The following LDB2 variants were observed in gnomAD, a reference collection of about 807,000 sequenced individuals.
LDB2 encodes the protein LIM domain-binding protein 2.
In LDB2, 12 loss-of-function variants were observed where a neutral mutation model predicts 44.3. The observed-to-expected ratio is 0.27, with a 90% CI of 0.17 to 0.44. LDB2 has a LOEUF of 0.44. LDB2 is among the 20% of genes least tolerant of loss of function. LDB2 has a pLI of 1.00. For missense variants in LDB2, 344 were observed against 473.5 expected (o/e 0.73, Z 2.54); for synonymous variants, 164 against 174.8 (o/e 0.94, Z 0.49).
chr4:16,660,771 T>C (rs1741351558), intron 2 of LDB2, among the ~76,000 whole-genome samples: 1 of 152,166 alleles, frequency 6.6e-6, no homozygotes, highest in Non-Finnish European at 1.5e-5. Flanking sequence ...GTCTCTTTCA[T>C]AGTCAGTGAC....
intron 2 of LDB2, among the ~76,000 whole-genome samples, chr4:16,655,505 A>G (rs568924360): frequency 3.5e-4 from 53 of 152,322 alleles, no homozygotes; most frequent in Non-Finnish European, 6.8e-4. Context: ...ACACATTAAT[A>G]ACCCACAATC....
rs1022753590 is a variant in LDB2, at chr4:16,522,875, C to T, written c.616-10771G>A. ...AAGAGGAATCATCTGCCTGGAAATA[C>T]ACCACAATCATTAACAAACATCTGC... is the stretch of plus-strand genomic sequence containing the variant. On this transcript the variant is annotated intron_variant, in intron 5 of 7. Coordinates refer to ENST00000304523, the MANE Select transcript of LDB2 (RefSeq NM_001290.5). Among the ~76,000 whole-genome samples, 5 of 152,184 alleles carry T rather than the reference C, an allele frequency of 3.3e-5. No individual in the cohort carries two copies. The East Asian group carries it at 5.8e-4, about 18-fold the overall frequency.
intron 2 of LDB2, chr4:16,651,096 A>C (rs1738150954): frequency 6.6e-6 from 1 of 152,192 alleles, no homozygotes; most frequent in Non-Finnish European, 1.5e-5. Context: ...CTGTATTGTT[A>C]AGCAATTTTG....
chr4:16,591,191 C>T (rs527400883), intron 3 of LDB2, among the ~76,000 whole-genome samples: 76 of 152,288 alleles, frequency 5.0e-4, no homozygotes, highest in African/African-American at 1.7e-3. Context: ...CATTTATGAA[C>T]CACAAACGCA....
intron 2 of LDB2, among the ~76,000 whole-genome samples, chr4:16,608,018 C>T (rs1724425553): frequency 6.6e-6 from 1 of 151,858 alleles, no homozygotes; most frequent in Admixed American, 6.6e-5. Flanking sequence ...TGTTCTAGTC[C>T]AGAACATGGT....
chr4:16,839,012 T>G (rs1276657504), intron 1 of LDB2, among the ~76,000 whole-genome samples: 1 of 152,192 alleles, frequency 6.6e-6, no homozygotes, highest in Non-Finnish European at 1.5e-5. Flanking sequence ...AAGCATATTC[T>G]GCAGAAGCAG....
At chr4:16,668,469 A>T (rs1560818457) in intron 2 of LDB2, among the ~76,000 whole-genome samples, 3 of 151,914 alleles carry the variant, frequency 2.0e-5, no homozygotes, top group Non-Finnish European at 4.4e-5. Flanking sequence ...CTTCTTTTAC[A>T]TTTGTCTCCT....
chr4:16,725,205 C>A (rs889426156), intron 2 of LDB2, among the ~76,000 whole-genome samples: 8 of 151,916 alleles, frequency 5.3e-5, no homozygotes. Flanking sequence ...TATAAAATAT[C>A]TAAATAGCTG....
intron 5 of LDB2, among the ~76,000 whole-genome samples, chr4:16,571,077 C>A (rs1368828681): frequency 6.6e-6 from 1 of 152,134 alleles, no homozygotes; most frequent in Admixed American, 6.5e-5. Flanking sequence ...GGGCAGGGAG[C>A]ACTGGAGCTT....
intron 2 of LDB2, among the ~76,000 whole-genome samples, chr4:16,620,146 C>T (rs1728482987): frequency 6.6e-6 from 1 of 152,180 alleles, no homozygotes; most frequent in Non-Finnish European, 1.5e-5. Context: ...CCATATCTAT[C>T]TTGATCGCCT....
intron 1 of LDB2, among the ~76,000 whole-genome samples, chr4:16,893,876 T>C (rs796797754): frequency 3.3e-5 from 5 of 152,208 alleles, no homozygotes; most frequent in African/African-American, 1.2e-4. Context: ...TTTTTGGTCA[T>C]TTGAATGAGA....
intron 5 of LDB2, among the ~76,000 whole-genome samples, chr4:16,559,970 G>A (rs1414319419): frequency 6.6e-6 from 1 of 152,064 alleles, no homozygotes; most frequent in Non-Finnish European, 1.5e-5. Context: ...ATGACTACTG[G>A]GTACATAACA....
At chr4:16,813,249 G>T (rs1324407563) in intron 1 of LDB2, among the ~76,000 whole-genome samples, 1 of 152,056 alleles carries the variant, frequency 6.6e-6, no homozygotes, top group Non-Finnish European at 1.5e-5. Flanking sequence ...GCCTCCCAAA[G>T]TGCTGGAATT....
At chr4:16,733,484 C>T (rs1761187989) in intron 2 of LDB2, among the ~76,000 whole-genome samples, 1 of 152,134 alleles carries the variant, frequency 6.6e-6, no homozygotes, top group African/African-American at 2.4e-5. Flanking sequence ...TAGAAACTGG[C>T]CTGTGAATCA....
intron 1 of LDB2, among the ~76,000 whole-genome samples, chr4:16,844,280 T>C (rs1466603393): frequency 1.5e-5 from 2 of 135,114 alleles, no homozygotes; most frequent in African/African-American, 2.8e-5. Flanking sequence ...AAAAAGGATC[T>C]ATCAATGGTG....
chr4:16,687,348 C>T (rs914774968), intron 2 of LDB2, among the ~76,000 whole-genome samples: 33 of 152,288 alleles, frequency 2.2e-4, no homozygotes, highest in African/African-American at 7.9e-4. Context: ...TGCTCTCTCT[C>T]TCGCTCTCTA....
At chr4:16,707,982 C>T (rs1754983684) in intron 2 of LDB2, among the ~76,000 whole-genome samples, 1 of 152,152 alleles carries the variant, frequency 6.6e-6, no homozygotes, top group Admixed American at 6.6e-5. Context: ...TCAAATGAGC[C>T]ATTTCCCGTG....
At chr4:16,893,143 A>C (rs1723901789) in intron 1 of LDB2, 1 of 797,760 alleles carries the variant, frequency 1.3e-6, no homozygotes, top group Admixed American at 6.2e-5. Flanking sequence ...TTAAAACTGC[A>C]CTTTTGGTTT....
chr4:16,558,374 T>G (rs921283843), intron 5 of LDB2, among the ~76,000 whole-genome samples: 1 of 152,160 alleles, frequency 6.6e-6, no homozygotes, highest in Non-Finnish European at 1.5e-5. Flanking sequence ...AAGGAGCTGA[T>G]GGAGCCAAAA....
Sources: allele counts gnomAD v4.1 joint callset (sites outside exome capture counted in the v4.1 genomes callset), GRCh38; gene constraint gnomAD v4.1.1; transcripts MANE v1.5; gene names NCBI Gene and HGNC (gene_info 2026-07-23, HGNC 2026-07-21).